CNTNAP2: variants seen among roughly 807,000 people sequenced by gnomAD.
CNTNAP2 encodes contactin associated protein 2.
Under a neutral mutation model 155.2 loss-of-function variants are expected in CNTNAP2, and 98 were observed. That is an observed-to-expected ratio of 0.63 (90% CI 0.54 to 0.75). The LOEUF (loss-of-function observed/expected upper bound fraction) is 0.75, where lower values mean the gene tolerates loss of function less well. CNTNAP2 is among the 30% of genes least tolerant of loss of function. The pLI is 0.00. For missense variants in CNTNAP2, 1,727 were observed against 1,688.1 expected (o/e 1.02, Z -0.40); for synonymous variants, 651 against 631.2 (o/e 1.03, Z -0.47).
At chr7:146,933,777 A>G (rs966564852) in intron 3 of CNTNAP2, among the ~76,000 whole-genome samples, 23 of 152,268 alleles carry the variant, frequency 1.5e-4, no homozygotes, top group South Asian at 6.2e-4. Context: ...AAAAGTGGGC[A>G]AAGGACATGA....
At chr7:147,269,384 C>T (rs1804689022) in intron 8 of CNTNAP2, among the ~76,000 whole-genome samples, 1 of 152,186 alleles carries the variant, frequency 6.6e-6, no homozygotes, top group South Asian at 2.1e-4. Context: ...TGTTCACCCA[C>T]TCAACATAAC....
intron 13 of CNTNAP2, among the ~76,000 whole-genome samples, chr7:147,773,042 T>C (rs1220085052): frequency 2.0e-5 from 3 of 152,300 alleles, no homozygotes; most frequent in African/African-American, 7.2e-5. Context: ...TTTCAGACTT[T>C]CTTTAAGAAA....
At chr7:148,127,899 C>T (rs1411910331) in intron 16 of CNTNAP2, among the ~76,000 whole-genome samples, 1 of 152,076 alleles carries the variant, frequency 6.6e-6, no homozygotes, top group Admixed American at 6.6e-5. Flanking sequence ...AGAGGCAGGG[C>T]CTCTCTGTCG....
intron 15 of CNTNAP2, among the ~76,000 whole-genome samples, chr7:148,071,176 C>T (rs562765696): frequency 2.6e-5 from 4 of 152,238 alleles, no homozygotes; most frequent in African/African-American, 9.6e-5. Context: ...CTTCCTGTCA[C>T]ACATCATCAG....
chr7:148,105,559 C>A (rs1490402007), intron 15 of CNTNAP2, among the ~76,000 whole-genome samples: 2 of 151,728 alleles, frequency 1.3e-5, no homozygotes, highest in African/African-American at 4.8e-5. Context: ...GTGAAATGGT[C>A]GGTTTTGCAT....
At chr7:146,639,824 A>G (rs1181649884) in intron 1 of CNTNAP2, among the ~76,000 whole-genome samples, 1 of 152,254 alleles carries the variant, frequency 6.6e-6, no homozygotes, top group Non-Finnish European at 1.5e-5. Context: ...TGAAACTTAT[A>G]AAGGTTAAAA....
intron 1 of CNTNAP2, among the ~76,000 whole-genome samples, chr7:146,298,615 G>T (rs1037821286): frequency 6.6e-6 from 1 of 152,208 alleles, no homozygotes; most frequent in Non-Finnish European, 1.5e-5. Flanking sequence ...GCTTTGTTTG[G>T]TTGTTCCCTA....
At chr7:148,115,870 G>C (rs1323218304) in intron 15 of CNTNAP2, among the ~76,000 whole-genome samples, 1 of 152,150 alleles carries the variant, frequency 6.6e-6, no homozygotes, top group Non-Finnish European at 1.5e-5. Context: ...CGAGCATGGT[G>C]GCTCATGCCT....
chr7:148,140,988 C>T (rs972721163), intron 16 of CNTNAP2, among the ~76,000 whole-genome samples: 41 of 152,222 alleles, frequency 2.7e-4, no homozygotes, highest in Non-Finnish European at 4.9e-4. Flanking sequence ...AGAAGGAAAC[C>T]TGAAACTCCT....
intron 9 of CNTNAP2, among the ~76,000 whole-genome samples, chr7:147,382,517 G>A (rs929421493): frequency 6.6e-5 from 10 of 152,144 alleles, no homozygotes; most frequent in Non-Finnish European, 1.3e-4. Flanking sequence ...TAGAGACAAT[G>A]ACAGAATACC....
At chr7:147,345,577 C>A (rs1360437908) in intron 9 of CNTNAP2, among the ~76,000 whole-genome samples, 1 of 152,164 alleles carries the variant, frequency 6.6e-6, no homozygotes, top group Non-Finnish European at 1.5e-5. Flanking sequence ...TTTCTCCCAA[C>A]TGCAAGACTT....
In CNTNAP2 at chr7:147,160,776, A is replaced by T. The variant is rs75651397; in HGVS notation, c.1348+28267A>T. ...CTAAAATATGCAGAGGCATAAAGGA[A>T]TTAAAGATGAAAAGTAATGCCATCA... On this transcript the variant is annotated intron_variant, in intron 8 of 23. Coordinates refer to ENST00000361727, the MANE Select transcript of CNTNAP2 (RefSeq NM_014141.6). Among the ~76,000 whole-genome samples, 475 of 152,278 alleles carry T rather than the reference A, an allele frequency of 3.1e-3. 5 individuals are homozygous for T. Among genetic ancestry groups the T allele is most frequent in the African/African-American group, 0.01 (428 of 41,570 alleles).
At chr7:146,350,475 T>C (rs569659215) in intron 1 of CNTNAP2, among the ~76,000 whole-genome samples, 138 of 152,062 alleles carry the variant, frequency 9.1e-4, no homozygotes, top group African/African-American at 3.3e-3. Context: ...AAAACCACAA[T>C]GAGATACCAT....
intron 1 of CNTNAP2, among the ~76,000 whole-genome samples, chr7:146,720,407 C>T (rs1480072551): frequency 6.6e-6 from 1 of 152,048 alleles, no homozygotes; most frequent in Non-Finnish European, 1.5e-5. Flanking sequence ...ATCTATTATG[C>T]TTAGGGGACA....
chr7:147,927,955 T>C (rs1477426904), intron 14 of CNTNAP2, among the ~76,000 whole-genome samples: 2 of 152,192 alleles, frequency 1.3e-5, no homozygotes, highest in East Asian at 3.9e-4. Context: ...TCATCTTGAA[T>C]TGTAGCTTCC....
intron 15 of CNTNAP2, among the ~76,000 whole-genome samples, chr7:147,992,125 C>T (rs991263834): frequency 7.4e-5 from 8 of 108,334 alleles, no homozygotes; most frequent in Admixed American, 5.7e-4. Context: ...GACAGAGTCT[C>T]GCTCTGTCAC....
At chr7:147,012,209 AT>A (rs1206058002) in intron 3 of CNTNAP2, among the ~76,000 whole-genome samples, 1 of 152,160 alleles carries the variant, frequency 6.6e-6, no homozygotes, top group East Asian at 1.9e-4. Context: ...TGGTGCCATA[AT>A]TGGGGAACTC....
chr7:147,573,876 T>A (rs999909800), intron 12 of CNTNAP2, among the ~76,000 whole-genome samples: 1 of 152,158 alleles, frequency 6.6e-6, no homozygotes, highest in Non-Finnish European at 1.5e-5. Flanking sequence ...ATATAGCACA[T>A]CCCCTGGTAG....
Position 147,784,345 on chromosome 7 carries a change from C to G in CNTNAP2, c.2099-119220C>G, listed in dbSNP as rs1458143875. Among the ~76,000 whole-genome samples the G allele has an allele frequency of 2.2e-5, 3 of 138,368 alleles. No individual in the cohort carries two copies. The South Asian group carries it at 7.4e-4, about 34-fold the overall frequency. 90.8% of individuals were successfully genotyped at this position (138,368 alleles called of 152,430 possible). A position where few individuals can be genotyped will look rare whatever the true frequency, so the allele number is the denominator to read the frequency against. ...AAACAAAAAAGAACATTTTAAAACA[C>G]AAAGATTATCTTCATAGCCCTCTAC... is the stretch of plus-strand genomic sequence containing the variant. On this transcript the variant is annotated intron_variant, in intron 13 of 23. Coordinates refer to ENST00000361727, the MANE Select transcript of CNTNAP2 (RefSeq NM_014141.6).
Sources: allele counts gnomAD v4.1 joint callset (sites outside exome capture counted in the v4.1 genomes callset), GRCh38; gene constraint gnomAD v4.1.1; transcripts MANE v1.5; gene names NCBI Gene and HGNC (gene_info 2026-07-23, HGNC 2026-07-21).